The following PECR variants were observed in gnomAD, a reference collection of about 807,000 sequenced individuals.
PECR encodes the protein peroxisomal trans-2-enoyl-CoA reductase.
In PECR, 30 loss-of-function variants were observed where a neutral mutation model predicts 35.3. The ratio of observed to expected loss-of-function variants is 0.85; its 90% confidence interval spans 0.64 to 1.15. The LOEUF (loss-of-function observed/expected upper bound fraction) is 1.15, where lower values mean the gene tolerates loss of function less well. Ranked by LOEUF, PECR falls within the 50% of genes most tolerant of loss-of-function variation. PECR has a pLI of 0.00. For synonymous variants in PECR, 148 were observed against 138.9 expected (o/e 1.07, Z -0.46); for missense variants, 392 against 370.8 (o/e 1.06, Z -0.47).
intron 4 of PECR, among the ~76,000 whole-genome samples, chr2:216,053,313 G>T (rs1252916223): frequency 6.6e-6 from 1 of 151,746 alleles, no homozygotes; most frequent in Non-Finnish European, 1.5e-5. Flanking sequence ...GCATGATCTC[G>T]GCTCACTGCA....
At chr2:216,052,578 G>C (rs1695136505) in intron 4 of PECR, among the ~76,000 whole-genome samples, 1 of 152,206 alleles carries the variant, frequency 6.6e-6, no homozygotes, top group African/African-American at 2.4e-5. Context: ...GTGCTGATGA[G>C]AAATCTGCTT....
intron 7 of PECR, among the ~76,000 whole-genome samples, chr2:216,042,962 TACAC>T (rs1418094089): frequency 8.3e-5 from 9 of 108,730 alleles, no homozygotes; most frequent in Middle Eastern, 4.8e-3. Flanking sequence ...TATATATATA[TACAC>T]ATACGTATAT....
intron 1 of PECR, among the ~76,000 whole-genome samples, chr2:216,072,315 G>C (rs970816216): frequency 6.6e-6 from 1 of 152,174 alleles, no homozygotes; most frequent in Non-Finnish European, 1.5e-5. Context: ...AGAGTACAAA[G>C]GCTCTCCATT....
At chr2:216,056,778 T>C (rs1295045961) in intron 4 of PECR, among the ~76,000 whole-genome samples, 1 of 150,866 alleles carries the variant, frequency 6.6e-6, no homozygotes. Context: ...CAATACATAG[T>C]AAGAATGTTT....
intron 1 of PECR, among the ~76,000 whole-genome samples, chr2:216,068,558 AAAGG>A (rs1323304399): frequency 6.6e-6 from 1 of 152,194 alleles, no homozygotes; most frequent in Non-Finnish European, 1.5e-5. Context: ...AAAAAAGATG[AAAGG>A]AAGTCCTTCA....
At chr2:216,056,269 A>G (rs1695223925) in intron 4 of PECR, among the ~76,000 whole-genome samples, 3 of 152,188 alleles carry the variant, frequency 2.0e-5, no homozygotes, top group African/African-American at 2.4e-5. Context: ...GGAGTGCTCA[A>G]TCTCTGACAT....
At chr2:216,061,062 C>T (rs953565543) in intron 3 of PECR, among the ~76,000 whole-genome samples, 8 of 136,566 alleles carry the variant, frequency 5.9e-5, no homozygotes, top group South Asian at 4.7e-4. Flanking sequence ...GAGGCAGAGG[C>T]GGATGGATGG....
At chr2:216,038,128 T>TA (rs140690441), downstream of PECR, among the ~76,000 whole-genome samples, 7,232 of 151,622 alleles carry the variant, frequency 0.048, 211 homozygotes, top group Middle Eastern at 0.1. Flanking sequence ...GTGTTAATGA[T>TA]AAAAAAAAGA....
chr2:216,074,225 G>C (rs568593733), intron 1 of PECR, among the ~76,000 whole-genome samples: 2 of 152,168 alleles, frequency 1.3e-5, no homozygotes, highest in Non-Finnish European at 2.9e-5. Flanking sequence ...CCGGTGGATC[G>C]CTTGTATTCA....
At chr2:216,033,075 T>TG (rs1694735117) in intron 7 of PECR, 1 of 152,326 alleles carries the variant, frequency 6.6e-6, no homozygotes, top group East Asian at 1.9e-4. Flanking sequence ...ACCTTTTAGT[T>TG]GGGGAACTTC....
chr2:216,075,499 T>C (rs1695680701), intron 1 of PECR, among the ~76,000 whole-genome samples: 1 of 152,248 alleles, frequency 6.6e-6, no homozygotes, highest in African/African-American at 2.4e-5. Flanking sequence ...TTTTAATTTA[T>C]TGCAAACCTC....
chr2:216,044,559 A>G (rs1468362838), intron 6 of PECR, among the ~76,000 whole-genome samples: 1 of 152,190 alleles, frequency 6.6e-6, no homozygotes, highest in Non-Finnish European at 1.5e-5. Flanking sequence ...AAACTTAGCC[A>G]GGCACAGTGG....
chr2:216,043,253 A>T (rs902590941), intron 7 of PECR, among the ~76,000 whole-genome samples: 1 of 151,376 alleles, frequency 6.6e-6, no homozygotes, highest in Non-Finnish European at 1.5e-5. Flanking sequence ...GACTACAGGC[A>T]CCCGCCACCA....
chr2:216,068,551 A>T (rs1408053051), intron 1 of PECR, among the ~76,000 whole-genome samples: 1 of 152,194 alleles, frequency 6.6e-6, no homozygotes, highest in Non-Finnish European at 1.5e-5. Flanking sequence ...GCACTACAAA[A>T]AAGATGAAAG....
chr2:216,044,031 C>G lies in PECR; in HGVS notation c.715-16G>C, dbSNP rs748619069. ...CAGAGGAGACCTGGAAACAGAAACA[C>G]ACATGTGCATAGGTAAAAGCAAATA... is the stretch of plus-strand genomic sequence containing the variant. On this transcript the variant is annotated splice_polypyrimidine_tract_variant and intron_variant, in intron 6 of 7. Coordinates refer to ENST00000265322, the MANE Select transcript of PECR (RefSeq NM_018441.6). The G allele has an allele frequency of 7.2e-7, 1 of 1,380,792 alleles. No individual in the cohort carries two copies. Among genetic ancestry groups the G allele is most frequent in the Non-Finnish European group, 1.0e-6 (1 of 967,048 alleles). 85.5% of individuals were successfully genotyped at this position (1,380,792 alleles called of 1,614,324 possible). A position where few individuals can be genotyped will look rare whatever the true frequency, so the allele number is the denominator to read the frequency against.
In PECR at chr2:216,044,000, A is replaced by C. The variant is rs749655382; in HGVS notation, c.730T>G (p.Cys244Gly). 3 of 1,603,098 alleles carry C rather than the reference A, an allele frequency of 1.9e-6. No homozygotes were observed. The highest frequency in any genetic ancestry group is 1.7e-5 in the Admixed American group (1 of 59,978). The change falls in exon 7 of 8, where the codon TGC becomes GGC. Residue 244 changes from cysteine to glycine, a missense_variant. Cys to Gly is a radical substitution (Grantham distance 159). Coordinates refer to ENST00000265322, the MANE Select transcript of PECR (RefSeq NM_018441.6). ...GAAGCTGCAGGAGACAGTAGGAAGC[A>C]GACCACAGAGGAGACCTGGAAACAG... ...GVPEEVSSVV[C>G]FLLSPAASFI... is the part of the protein sequence containing the mutation.
chr2:216,069,010 T>C (rs1401563144), intron 1 of PECR, among the ~76,000 whole-genome samples: 4 of 152,146 alleles, frequency 2.6e-5, no homozygotes, highest in African/African-American at 9.7e-5. Context: ...TTGAGAATAA[T>C]AGCACAATGG....
intron 7 of PECR, among the ~76,000 whole-genome samples, chr2:216,041,134 T>C (rs535325869): frequency 6.6e-6 from 1 of 152,284 alleles, no homozygotes; most frequent in African/African-American, 2.4e-5. Context: ...TCTTAAAAGA[T>C]AGATGTACCC....
intron 1 of PECR, among the ~76,000 whole-genome samples, chr2:216,067,485 A>C (rs939662016): frequency 2.6e-5 from 4 of 152,212 alleles, no homozygotes; most frequent in Non-Finnish European, 5.9e-5. Flanking sequence ...AGCCTCTTTT[A>C]GAGTATCAAA....
Sources: allele counts gnomAD v4.1 joint callset (sites outside exome capture counted in the v4.1 genomes callset), GRCh38; gene constraint gnomAD v4.1.1; transcripts MANE v1.5; gene names NCBI Gene and HGNC (gene_info 2026-07-23, HGNC 2026-07-21).